CUX1: variants seen among roughly 807,000 people sequenced by gnomAD.
The protein encoded by CUX1 is protein CASP.
A neutral mutation model predicts 158.8 loss-of-function variants in CUX1; 31 were observed. That is an observed-to-expected ratio of 0.20 (90% CI 0.15 to 0.26). CUX1 has a LOEUF of 0.26. Ranked by LOEUF, CUX1 falls within the 10% of genes least tolerant of loss-of-function variation. The pLI is 1.00. For synonymous variants in CUX1, 879 were observed against 862.1 expected (o/e 1.02, Z -0.34); for missense variants, 1,589 against 2,014.6 (o/e 0.79, Z 4.04).
At chr7:102,074,951 T>C (rs1826543742) in intron 4 of CUX1, among the ~76,000 whole-genome samples, 1 of 152,220 alleles carries the variant, frequency 6.6e-6, no homozygotes, top group Non-Finnish European at 1.5e-5. Flanking sequence ...CTCTGCCTTC[T>C]GGGTTCAAGC....
chr7:102,158,630 G>T, intron 9 of CUX1, 22 bp downstream of exon 9: 2 of 1,612,576 alleles, frequency 1.2e-6, no homozygotes, highest in Non-Finnish European at 1.7e-6. Context: ...GACGCTTTTA[G>T]TCCTAAAACC....
intron 1 of CUX1, among the ~76,000 whole-genome samples, chr7:101,871,044 T>TGTTCC (rs1798469035): frequency 6.6e-6 from 1 of 152,212 alleles, no homozygotes; most frequent in Admixed American, 6.5e-5. Context: ...CGGACACCCC[T>TGTTCC]GTTCCCTGTC....
chr7:101,920,304 A>G (rs567525822), intron 2 of CUX1, among the ~76,000 whole-genome samples: 4 of 151,604 alleles, frequency 2.6e-5, no homozygotes, highest in Non-Finnish European at 5.9e-5. Flanking sequence ...TTGTATTTTT[A>G]GTAGAGGTGA....
chr7:101,903,326 G>A (rs998185662), intron 1 of CUX1, among the ~76,000 whole-genome samples: 15 of 152,168 alleles, frequency 9.9e-5, no homozygotes, highest in African/African-American at 3.6e-4. Flanking sequence ...CAGGCAAATG[G>A]AGATGAGCAG....
chr7:102,074,030 G>T (rs1826434374), intron 4 of CUX1, among the ~76,000 whole-genome samples: 1 of 152,226 alleles, frequency 6.6e-6, no homozygotes, highest in Admixed American at 6.5e-5. Flanking sequence ...GGTGCTCGGA[G>T]CACTCTCCCT....
In CUX1 at chr7:102,258,231, C is replaced by A. The variant is rs559235114; in HGVS notation, c.*9189C>A. ...GAAGTAAATATCTTTTATACAAACACAAGAATGTGTGGGTTGTTTTTATTT... is the reference window on the plus strand; with the variant it reads ...GAAGTAAATATCTTTTATACAAACAAAAGAATGTGTGGGTTGTTTTTATTT... On this transcript the variant is annotated 3_prime_UTR_variant, in exon 24 of 24. Transcript: ENST00000292535. 72 of 966,680 alleles carry A rather than the reference C, an allele frequency of 7.4e-5. No individual in the cohort carries two copies. The East Asian group carries it at 3.2e-3, about 43-fold the overall frequency. 59.9% of individuals were successfully genotyped at this position (966,680 alleles called of 1,614,324 possible).
At chr7:102,196,177 G>A (rs1048913246) in intron 14 of CUX1, among the ~76,000 whole-genome samples, 8 of 152,240 alleles carry the variant, frequency 5.3e-5, no homozygotes, top group African/African-American at 7.2e-5. Flanking sequence ...CAAAACGGGC[G>A]CGCGCCTCCA....
chr7:101,976,862 T>C, intron 2 of CUX1, among the ~76,000 whole-genome samples: 1 of 150,980 alleles, frequency 6.6e-6, no homozygotes, highest in East Asian at 1.9e-4. Flanking sequence ...ATTTAGTTGA[T>C]ATTGTAACTA....
intron 23 of CUX1, among the ~76,000 whole-genome samples, chr7:102,245,009 G>T (rs1424616054): frequency 6.6e-6 from 1 of 152,118 alleles, no homozygotes; most frequent in African/African-American, 2.4e-5. Context: ...GAGCCAAAAA[G>T]GTTTTTGTTT....
intron 4 of CUX1, among the ~76,000 whole-genome samples, chr7:102,092,877 C>T (rs1480838523): frequency 6.9e-6 from 1 of 144,134 alleles, no homozygotes; most frequent in Non-Finnish European, 1.5e-5. Context: ...AGCGCCACTG[C>T]ACTCCCGTCT....
chr7:102,120,745 A>G (rs1347159998), intron 8 of CUX1, among the ~76,000 whole-genome samples: 1 of 152,212 alleles, frequency 6.6e-6, no homozygotes, highest in Non-Finnish European at 1.5e-5. Flanking sequence ...TCCAGATCCC[A>G]AAGGAGGACA....
intron 1 of CUX1, among the ~76,000 whole-genome samples, chr7:101,848,191 G>T (rs1291957799): frequency 2.0e-5 from 3 of 151,764 alleles, no homozygotes; most frequent in Non-Finnish European, 4.4e-5. Context: ...GGTGTGTATT[G>T]ACGTTGTTTA....
chr7:102,069,876 T>C (rs112988475), intron 3 of CUX1, among the ~76,000 whole-genome samples: 1 of 152,344 alleles, frequency 6.6e-6, no homozygotes, highest in Non-Finnish European at 1.5e-5. Flanking sequence ...GTCACAACTT[T>C]ACTGCCTGAA....
intron 3 of CUX1, among the ~76,000 whole-genome samples, chr7:102,046,243 C>G (rs532761441): frequency 1.3e-5 from 2 of 152,128 alleles, no homozygotes; most frequent in Non-Finnish European, 2.9e-5. Context: ...ATTCACTTCC[C>G]GTTTTTGGAG....
intron 1 of CUX1, among the ~76,000 whole-genome samples, chr7:101,830,724 C>T (rs10272452): frequency 0.019 from 2,839 of 152,058 alleles, 49 homozygotes; most frequent in African/African-American, 0.051. Context: ...CCCAAAGTGC[C>T]GGGATTATAT....
At chr7:102,278,355 C>G (rs557112572) in intron 18 of CUX1, among the ~76,000 whole-genome samples, 1 of 152,172 alleles carries the variant, frequency 6.6e-6, no homozygotes, top group African/African-American at 2.4e-5. Context: ...TGTGGGAGGC[C>G]GAGGCAGGAG....
chr7:102,254,710 G>C lies in CUX1; in HGVS notation c.*5668G>C. On this transcript the variant is annotated 3_prime_UTR_variant, in exon 24 of 24. Transcript: ENST00000292535. The stretch of plus-strand genomic sequence containing the variant: ...TTCACCTGGGCATCGACGACATTAG[G>C]GAAGCCTTTGTGACCACAAGGGCAG... 2.0e-6 allele frequency: 2 copies of C among 985,522 alleles called. No individual in the cohort carries two copies. Among genetic ancestry groups the C allele is most frequent in the Non-Finnish European group, 2.4e-6 (2 of 829,972 alleles). The allele number at this position is 985,522 out of a possible 1,614,324, so 61.0% of individuals were successfully genotyped here.
Position 101,916,331 on chromosome 7 carries a change from C to A in CUX1, c.141+106C>A. 2.8e-6 allele frequency: 2 copies of A among 726,088 alleles called. No homozygotes were observed. Among genetic ancestry groups the A allele is most frequent in the Admixed American group, 2.0e-5 (1 of 49,282 alleles). The allele number at this position is 726,088 out of a possible 1,614,324, so 45.0% of individuals were successfully genotyped here. A position where few individuals can be genotyped will look rare whatever the true frequency, so the allele number is the denominator to read the frequency against. ...TCATTTTCATCAGATGAACGCACGGCCGGCAAACAACCCGTTTCTTTCCCC... is the reference window on the plus strand; with the variant it reads ...TCATTTTCATCAGATGAACGCACGGACGGCAAACAACCCGTTTCTTTCCCC... On this transcript the variant is annotated intron_variant, in intron 2 of 23. Transcript: ENST00000292535. This position sits in a 1 kb window ranked among gnomAD's most constrained non-coding sequence, Gnocchi z 4.4.
At chr7:101,989,651 G>A (rs940175635) in intron 2 of CUX1, among the ~76,000 whole-genome samples, 9 of 152,210 alleles carry the variant, frequency 5.9e-5, no homozygotes, top group Non-Finnish European at 7.3e-5. Context: ...GATTCTCACC[G>A]GGGCTTTTGC....
Sources: allele counts gnomAD v4.1 joint callset (sites outside exome capture counted in the v4.1 genomes callset), GRCh38; gene constraint gnomAD v4.1.1; non-coding constraint Gnocchi (gnomAD v3.1); transcripts MANE v1.5; gene names NCBI Gene and HGNC (gene_info 2026-07-23, HGNC 2026-07-21).